SMOC1: variants seen among roughly 807,000 people sequenced by gnomAD.
The protein encoded by SMOC1 is SPARC-related modular calcium-binding protein 1.
A neutral mutation model predicts 56.3 loss-of-function variants in SMOC1; 22 were observed. The observed-to-expected ratio is 0.39, with a 90% CI of 0.28 to 0.56. The LOEUF is 0.56. Among genes scored for constraint, SMOC1 ranks in the 20% least tolerant of loss-of-function variants. SMOC1 has a pLI of 0.61. For synonymous variants in SMOC1, 193 were observed against 215.0 expected, an observed-to-expected ratio of 0.90 and a Z score of 0.89; for missense variants, 509 against 565.4, an observed-to-expected ratio of 0.90 and a Z score of 1.01.
At chr14:69,918,349 C>T (rs1328245220) in intron 1 of SMOC1, among the ~76,000 whole-genome samples, 3 of 152,126 alleles carry the variant, frequency 2.0e-5, no homozygotes, top group South Asian at 4.1e-4. Context: ...CTGCCTCCAC[C>T]TCTGAGCAGC....
chr14:69,880,979 G>A (rs551709673), intron 1 of SMOC1, among the ~76,000 whole-genome samples: 2 of 152,346 alleles, frequency 1.3e-5, no homozygotes, highest in African/African-American at 2.4e-5. Flanking sequence ...AGGTATCACT[G>A]TGAGATCAGA....
chr14:70,025,312 G>T (rs894565722), intron 11 of SMOC1, among the ~76,000 whole-genome samples: 5 of 152,174 alleles, frequency 3.3e-5, no homozygotes, highest in African/African-American at 9.7e-5. Context: ...TTCCTCAGTT[G>T]TCAGAGTAAA....
intron 1 of SMOC1, among the ~76,000 whole-genome samples, chr14:69,939,704 A>C (rs546759677): frequency 2.0e-5 from 3 of 152,340 alleles, no homozygotes; most frequent in East Asian, 1.9e-4. Context: ...GTGATTATAC[A>C]ATAGTGCCAC....
chr14:69,936,402 T>TG (rs1464045660), intron 1 of SMOC1, among the ~76,000 whole-genome samples: 1 of 152,232 alleles, frequency 6.6e-6, no homozygotes, highest in Non-Finnish European at 1.5e-5. Context: ...AGAGGGCATC[T>TG]GGGCCTGTAA....
chr14:69,929,076 G>A (rs974077455), intron 1 of SMOC1, among the ~76,000 whole-genome samples: 3 of 152,306 alleles, frequency 2.0e-5, no homozygotes, highest in East Asian at 1.9e-4. Flanking sequence ...AAGCTTGCAA[G>A]CTGCATAGGA....
In SMOC1 at chr14:69,986,000, C is replaced by G. The variant is rs566492481; in HGVS notation, c.527-6417C>G. Among the ~76,000 whole-genome samples the G allele has an allele frequency of 6.6e-5, 10 of 152,208 alleles. No individual in the cohort carries two copies. In the South Asian group the frequency reaches 2.1e-3, roughly 32 times the overall value. ...GCGGTTGAAGGCATCCACTGGGGGT[C>G]TTGGAAGGTATCTGCTGTGAGTAAG... On this transcript the variant is annotated intron_variant, in intron 5 of 11. Transcript: ENST00000361956.
At position 70,011,544 on chromosome 14, in the gene SMOC1, C is replaced by G. The variant is rs145817171; in HGVS notation, c.917C>G (p.Pro306Arg). 25 of 1,613,974 alleles carry G rather than the reference C, an allele frequency of 1.5e-5. No homozygotes were observed. The highest frequency in any genetic ancestry group is 1.8e-5 in the Non-Finnish European group (21 of 1,180,004). Residue 306 changes from proline to arginine, a missense_variant, in exon 9 of 12, where the codon CCC becomes CGC. Coordinates refer to ENST00000361956, the MANE Select transcript of SMOC1 (RefSeq NM_001034852.3). Reference sequence around the variant, plus strand: ...GCCAAGACTACAGAGGCGGATGACCCCTTCAAGGACAGGGAGCTACCAGGT... The same window carrying G: ...GCCAAGACTACAGAGGCGGATGACCGCTTCAAGGACAGGGAGCTACCAGGT... ...ARAKTTEADD[P>R]FKDRELPGCP... is the part of the protein sequence containing the mutation.
intron 7 of SMOC1, among the ~76,000 whole-genome samples, chr14:69,998,392 G>A (rs1196989094): frequency 1.8e-4 from 27 of 151,026 alleles, no homozygotes; most frequent in Admixed American, 1.8e-3. Context: ...TGGAGCCTCT[G>A]TTCTGCTTTT....
intron 1 of SMOC1, among the ~76,000 whole-genome samples, chr14:69,930,962 G>T (rs1162098329): frequency 6.6e-6 from 1 of 152,170 alleles, no homozygotes; most frequent in African/African-American, 2.4e-5. Context: ...AACACCTCAT[G>T]CTTGCATTTG....
Position 70,030,451 on chromosome 14 carries a change from A to G in SMOC1, c.*193A>G. 2.4e-6 allele frequency: 1 copy of G among 417,452 alleles called. No homozygotes were observed. Among genetic ancestry groups the G allele is most frequent in the Non-Finnish European group, 4.2e-6 (1 of 235,678 alleles). The allele number at this position is 417,452 out of a possible 1,614,324, so 25.9% of individuals were successfully genotyped here. ...TCATTTTAAAACACCAATATCTAAT[A>G]CCACAGTGGGAAAAGGAAAGGGAAG... On this transcript the variant is annotated 3_prime_UTR_variant, in exon 12 of 12. Coordinates refer to ENST00000361956, the MANE Select transcript of SMOC1 (RefSeq NM_001034852.3).
rs77399192 is a variant in SMOC1 at position 69,987,437 on chromosome 14, C to T, written c.527-4980C>T. Among the ~76,000 whole-genome samples, 1,015 of 152,280 alleles carry T rather than the reference C, an allele frequency of 6.7e-3. 10 individuals carry two copies. The highest frequency in any genetic ancestry group is 0.023 in the African/African-American group (943 of 41,560). ...ATTAATACAGATTCCTCCTCTGGCT[C>T]CTTTGAGACATTTGCTTTTGAAGGA... On this transcript the variant is annotated intron_variant, in intron 5 of 11. Transcript: ENST00000361956.
intron 1 of SMOC1, among the ~76,000 whole-genome samples, chr14:69,945,659 C>T (rs1346434090): frequency 6.6e-6 from 1 of 152,090 alleles, no homozygotes; most frequent in Non-Finnish European, 1.5e-5. Context: ...TTGTTTTGCT[C>T]CAATAGATAA....
At position 69,958,149 on chromosome 14, in the gene SMOC1, T is replaced by C. The variant is rs567225542; in HGVS notation, c.378+4617T>C. 2.0e-5 allele frequency among the ~76,000 whole-genome samples: 3 copies of C among 152,286 alleles called. No homozygotes were observed. In the South Asian group the frequency reaches 6.2e-4, roughly 32 times the overall value. On this transcript the variant is annotated intron_variant, in intron 3 of 11. Coordinates refer to ENST00000361956, the MANE Select transcript of SMOC1 (RefSeq NM_001034852.3). Reference sequence around the variant, plus strand: ...GGTGGCACAAGCCTGTAGTCCCAGCTAATTGGGAGGCTGAGGCAGGAGGAT... The same window carrying C: ...GGTGGCACAAGCCTGTAGTCCCAGCCAATTGGGAGGCTGAGGCAGGAGGAT...
chr14:69,992,505 C>T (rs374273817), intron 6 of SMOC1, 32 bp downstream of exon 6: 3 of 1,505,784 alleles, frequency 2.0e-6, no homozygotes, highest in Middle Eastern at 1.7e-4. Context: ...GATGTTCATT[C>T]TCCCACTCAT....
At chr14:69,928,243 G>A (rs1329950479) in intron 1 of SMOC1, among the ~76,000 whole-genome samples, 6 of 152,210 alleles carry the variant, frequency 3.9e-5, no homozygotes, top group African/African-American at 1.4e-4. Context: ...CCTTGAGTCA[G>A]CCCTCCTCCT....
intron 7 of SMOC1, among the ~76,000 whole-genome samples, chr14:69,998,552 T>C (rs1884856682): frequency 6.6e-6 from 1 of 152,180 alleles, no homozygotes; most frequent in African/African-American, 2.4e-5. Context: ...TGACAAGAAT[T>C]AGGTTTCATC....
At chr14:69,978,154 C>T in intron 5 of SMOC1, 189 bp downstream of exon 5, 1 of 644,900 alleles carries the variant, frequency 1.6e-6, no homozygotes, top group Non-Finnish European at 2.8e-6. Flanking sequence ...TGATGGACAC[C>T]AAGCTCCCAG....
intron 1 of SMOC1, among the ~76,000 whole-genome samples, chr14:69,899,375 T>G (rs1025215274): frequency 1.1e-4 from 17 of 152,182 alleles, no homozygotes; most frequent in African/African-American, 3.9e-4. Context: ...TTTGGTACTA[T>G]TCTCGTGACA....
intron 3 of SMOC1, among the ~76,000 whole-genome samples, chr14:69,971,697 A>G (rs1265333532): frequency 2.0e-5 from 3 of 152,250 alleles, no homozygotes; most frequent in Non-Finnish European, 2.9e-5. Context: ...TAAGCCAGGT[A>G]GAGTTTACAT....
Sources: gnomAD v4.1 joint callset for allele counts (sites outside exome capture counted in the v4.1 genomes callset) on GRCh38, gnomAD v4.1.1 for gene constraint, MANE v1.5 for transcripts, NCBI Gene and HGNC (gene_info 2026-07-23, HGNC 2026-07-21) for gene names.